The following DMD variants were observed in gnomAD, a reference collection of about 807,000 sequenced individuals.
DMD encodes dystrophin.
In DMD, 63 loss-of-function variants were observed where a neutral mutation model predicts 330.1. The ratio of observed to expected loss-of-function variants is 0.19; its 90% CI spans 0.16 to 0.24. The LOEUF (loss-of-function observed/expected upper bound fraction) is 0.24. DMD is among the 10% of genes least tolerant of loss of function. The pLI is 1.00. For synonymous variants in DMD, 1,223 were observed against 959.8 expected (o/e 1.27, Z -5.07); for missense variants, 3,344 against 2,684.1 (o/e 1.25, Z -5.43).
At chrX:32,234,666 G>T (rs1353585959) in intron 43 of DMD, among the ~76,000 whole-genome samples, 1 of 111,475 alleles carries the variant, frequency 9.0e-6, no homozygotes, top group East Asian at 2.8e-4. Flanking sequence ...TCCTTCCTCC[G>T]ATCCATCCAT....
intron 42 of DMD, among the ~76,000 whole-genome samples, chrX:32,295,452 G>C (rs2097491656): frequency 1.8e-5 from 2 of 112,250 alleles, no homozygotes; most frequent in Non-Finnish European, 3.8e-5. Flanking sequence ...TGTTTGAAAA[G>C]CTTATTGTTT....
rs961392167 is a variant in DMD, at chrX:31,126,987, T to C, written c.11015-314A>G. On this transcript the variant is annotated intron_variant, in intron 77 of 78. Transcript: ENST00000357033. ...TGGCACAGAATAGAAATCTGACAAA[T>C]TGGGCATTGTTTTCAAGGACAACTC... Among the ~76,000 whole-genome samples, 5 of 111,165 alleles carry C rather than the reference T, an allele frequency of 4.5e-5. No homozygotes were observed. The Admixed American group carries it at 4.8e-4, about 11-fold the overall frequency.
chrX:32,409,750 G>A (rs938761244), intron 30 of DMD, among the ~76,000 whole-genome samples: 1 of 111,402 alleles, frequency 9.0e-6, no homozygotes, highest in Non-Finnish European at 1.9e-5. Flanking sequence ...AACGTCACAA[G>A]CATTTTTAAT....
intron 55 of DMD, among the ~76,000 whole-genome samples, chrX:31,592,518 T>C (rs897366315): frequency 1.1e-4 from 11 of 104,498 alleles, no homozygotes; most frequent in Non-Finnish European, 2.0e-4. Flanking sequence ...CCTTGAAAAG[T>C]GTCTCACACA....
At chrX:32,388,474 G>A (rs1319702750) in intron 32 of DMD, among the ~76,000 whole-genome samples, 1 of 107,005 alleles carries the variant, frequency 9.3e-6, no homozygotes, top group African/African-American at 3.4e-5. Context: ...AATAATTAAA[G>A]TAATTATACC....
chrX:31,269,525 G>A (rs780637137), intron 62 of DMD, among the ~76,000 whole-genome samples: 2 of 111,634 alleles, frequency 1.8e-5, no homozygotes, highest in South Asian at 7.7e-4. Flanking sequence ...AATCCAGCTC[G>A]AAGACTCATG....
chrX:32,813,559 A>G (rs2077518002), intron 6 of DMD, among the ~76,000 whole-genome samples: 1 of 112,105 alleles, frequency 8.9e-6, no homozygotes, highest in African/African-American at 3.2e-5. Context: ...CTACAAAATA[A>G]TAATTGTTTA....
chrX:32,285,246 A>G (rs1481019110), intron 43 of DMD, among the ~76,000 whole-genome samples: 1 of 111,595 alleles, frequency 9.0e-6, no homozygotes. Flanking sequence ...TGGAGAAAAC[A>G]CTGACTATAA....
At position 32,380,525 on chromosome X, in the gene DMD, T is replaced by C. The variant is rs757114307; in HGVS notation, c.4830A>G (p.Glu1610=). The change falls in exon 34 of 79, where the codon GAA becomes GAG. Residue 1610 remains glutamate, a synonymous_variant. Transcript: ENST00000357033. ...VEGMPSNLDS[E]VAWGKATQKE... ...TAGGTTTTACCTTTCCCCAGGCAAC[T>C]TCAGAATCCAAATTACTAGGCATTC... The C allele has an allele frequency of 1.7e-6, 2 of 1,210,845 alleles. No homozygotes were observed. The highest frequency in any genetic ancestry group is 1.1e-6 in the Non-Finnish European group (1 of 894,913).
rs775861408 is a variant in DMD at position 32,595,749 on chromosome X, A to C, written c.1602+8T>G. 1 of 1,209,870 alleles carries C rather than the reference A, an allele frequency of 8.3e-7. No individual in the cohort carries two copies. Among genetic ancestry groups the C allele is most frequent in the East Asian group, 3.0e-5 (1 of 33,807 alleles). The stretch of plus-strand genomic sequence containing the variant: ...ACATATTTAGTTTACTAAGCAAAAT[A>C]ATCTGACCTTAAGTTGTTCTTCCAA... On this transcript the variant is annotated splice_region_variant and intron_variant, in intron 13 of 78. Coordinates refer to ENST00000357033, the MANE Select transcript of DMD (RefSeq NM_004006.3).
At chrX:31,845,042 ATATG>A (rs1211304706) in intron 48 of DMD, among the ~76,000 whole-genome samples, 1 of 96,776 alleles carries the variant, frequency 1.0e-5, no homozygotes, top group African/African-American at 4.1e-5. Context: ...ATATATATAT[ATATG>A]TATATGTGTG....
intron 63 of DMD, among the ~76,000 whole-genome samples, chrX:31,231,333 T>C (rs2047181294): frequency 9.0e-6 from 1 of 111,339 alleles, no homozygotes; most frequent in African/African-American, 3.3e-5. Context: ...TATATATTTA[T>C]AACATATGTG....
intron 1 of DMD, among the ~76,000 whole-genome samples, chrX:33,303,227 G>A (rs1375924702): frequency 9.0e-6 from 1 of 111,601 alleles, no homozygotes; most frequent in East Asian, 2.8e-4. Context: ...AAACATCCAT[G>A]TGCAGGGTTT....
intron 2 of DMD, among the ~76,000 whole-genome samples, chrX:32,968,710 A>C (rs6631689): frequency 3.7e-5 from 4 of 109,069 alleles, no homozygotes; most frequent in Admixed American, 9.9e-5. Flanking sequence ...TGGAGCTCTC[A>C]TTATTGGAAT....
At chrX:33,140,341 G>A (rs1412962839) in intron 1 of DMD, among the ~76,000 whole-genome samples, 2 of 111,865 alleles carry the variant, frequency 1.8e-5, no homozygotes, top group African/African-American at 3.2e-5. Flanking sequence ...AGGTTGACAA[G>A]GGAAAAAGGG....
intron 1 of DMD, among the ~76,000 whole-genome samples, chrX:33,026,289 TG>T (rs1378497959): frequency 1.3e-5 from 1 of 76,046 alleles, no homozygotes; most frequent in Non-Finnish European, 2.3e-5. Context: ...CGCTCCGGCC[TG>T]GGGGACAGAG....
intron 1 of DMD, among the ~76,000 whole-genome samples, chrX:33,092,020 A>AT (rs771370586): frequency 9.0e-6 from 1 of 111,706 alleles, no homozygotes; most frequent in African/African-American, 3.3e-5. Flanking sequence ...CTAATAGCTG[A>AT]TTTTTTTAAG....
chrX:31,363,766 C>T (rs751638309), intron 60 of DMD, among the ~76,000 whole-genome samples: 1 of 111,986 alleles, frequency 8.9e-6, no homozygotes, highest in Admixed American at 9.4e-5. Flanking sequence ...CTATCTATCC[C>T]ACGAATTATA....
chrX:32,768,123 GAC>G (rs2073201269), intron 7 of DMD, among the ~76,000 whole-genome samples: 3 of 111,740 alleles, frequency 2.7e-5, no homozygotes, highest in South Asian at 3.7e-4. Context: ...AGTAGAATAT[GAC>G]AGTTTATTAA....
Sources: gnomAD v4.1 joint callset for allele counts (sites outside exome capture counted in the v4.1 genomes callset) on GRCh38, gnomAD v4.1.1 for gene constraint, MANE v1.5 for transcripts, NCBI Gene and HGNC (gene_info 2026-07-23, HGNC 2026-07-21) for gene names.